Variants in MTDH observed in about 807,000 individuals in gnomAD.
MTDH encodes metadherin.
A neutral mutation model predicts 72.7 loss-of-function variants in MTDH; 34 were observed. That is an observed-to-expected ratio of 0.47 (90% CI 0.36 to 0.62). The LOEUF (loss-of-function observed/expected upper bound fraction) is 0.62. Among genes scored for constraint, MTDH ranks in the 20% least tolerant of loss-of-function variants. The pLI is 0.00. For synonymous variants in MTDH, 266 were observed against 268.9 expected (o/e 0.99, Z 0.10); for missense variants, 677 against 699.4 (o/e 0.97, Z 0.36).
chr8:97,661,205 A>G (rs1331886794), intron 2 of MTDH, 32 bp downstream of exon 2: 17 of 1,448,866 alleles, frequency 1.2e-5, no homozygotes, highest in Non-Finnish European at 1.6e-5. Context: ...ATTGTATGCA[A>G]GACTCTTAAT....
At chr8:97,644,982 A>G in intron 1 of MTDH, 95 bp downstream of exon 1, 5 of 1,388,128 alleles carry the variant, frequency 3.6e-6, no homozygotes, top group East Asian at 2.8e-5. Context: ...GGGAAGGAAA[A>G]GAGTGCTTAG....
intron 1 of MTDH, among the ~76,000 whole-genome samples, chr8:97,655,549 C>T (rs16896060): frequency 0.04 from 6,100 of 152,274 alleles, 465 homozygotes; most frequent in East Asian, 0.24. Flanking sequence ...TGTCCAGGCC[C>T]TTTTGACCAC....
At chr8:97,677,715 GA>G (rs972934213) in intron 2 of MTDH, among the ~76,000 whole-genome samples, 5 of 152,056 alleles carry the variant, frequency 3.3e-5, no homozygotes, top group African/African-American at 4.8e-5. Flanking sequence ...ACTGTGCCTT[GA>G]AATTTTAGCT....
chr8:97,652,863 G>A (rs1811827771), intron 1 of MTDH, among the ~76,000 whole-genome samples: 1 of 152,042 alleles, frequency 6.6e-6, no homozygotes, highest in Non-Finnish European at 1.5e-5. Flanking sequence ...GCCAGGTGCG[G>A]TGGTTCACAC....
chr8:97,713,826 GATT>G (rs1419250638), intron 9 of MTDH, 57 bp downstream of exon 9: 42 of 982,864 alleles, frequency 4.3e-5, no homozygotes, highest in Non-Finnish European at 6.2e-5. Context: ...AATGTGAAAA[GATT>G]ATGTACAGAT....
At chr8:97,714,086 A>G (rs906743420) in intron 9 of MTDH, among the ~76,000 whole-genome samples, 5 of 152,190 alleles carry the variant, frequency 3.3e-5, no homozygotes, top group Non-Finnish European at 5.9e-5. Context: ...CTTTTGAGTA[A>G]CTGGAAGGTA....
intron 2 of MTDH, 23 bp from the exon 3 acceptor site, chr8:97,686,645 G>A: frequency 6.9e-6 from 10 of 1,450,924 alleles, no homozygotes; most frequent in Non-Finnish European, 7.5e-6. Context: ...AAAATATTAA[G>A]TAACATTCTA....
At chr8:97,687,840 T>C (rs531229479) in intron 4 of MTDH, among the ~76,000 whole-genome samples, 2 of 152,320 alleles carry the variant, frequency 1.3e-5, no homozygotes, top group East Asian at 3.9e-4. Flanking sequence ...CCTTTCTGCC[T>C]TGAGTCATAT....
chr8:97,697,672 A>G (rs1465573545), intron 6 of MTDH, among the ~76,000 whole-genome samples: 1 of 151,944 alleles, frequency 6.6e-6, no homozygotes, highest in Non-Finnish European at 1.5e-5. Context: ...GGCATGAGCC[A>G]CCGCACCTGG....
chr8:97,657,154 T>G (rs1812010910), intron 1 of MTDH, among the ~76,000 whole-genome samples: 1 of 152,132 alleles, frequency 6.6e-6, no homozygotes, highest in Admixed American at 6.5e-5. Context: ...GTGCATGCAT[T>G]TTAAAAAAAG....
At chr8:97,718,272 A>AC (rs1407167064) in intron 9 of MTDH, among the ~76,000 whole-genome samples, 1 of 151,520 alleles carries the variant, frequency 6.6e-6, no homozygotes, top group African/African-American at 2.4e-5. Context: ...CGAACTCCTG[A>AC]CCTCAGGTGA....
At chr8:97,647,996 G>A (rs769983488) in intron 1 of MTDH, among the ~76,000 whole-genome samples, 6 of 149,872 alleles carry the variant, frequency 4.0e-5, no homozygotes, top group Admixed American at 1.3e-4. Flanking sequence ...TGATCTTTTC[G>A]TTCCATTATT....
chr8:97,704,232 T>G (rs1235789823), intron 7 of MTDH, among the ~76,000 whole-genome samples: 1 of 152,238 alleles, frequency 6.6e-6, no homozygotes, highest in Non-Finnish European at 1.5e-5. Context: ...TTTAATAGTT[T>G]GTTAAGCTTA....
At chr8:97,648,463 C>T (rs1331674982) in intron 1 of MTDH, among the ~76,000 whole-genome samples, 3 of 151,538 alleles carry the variant, frequency 2.0e-5, no homozygotes. Flanking sequence ...ACTGGAAGCA[C>T]ATAATCAGGA....
intron 1 of MTDH, among the ~76,000 whole-genome samples, chr8:97,652,895 C>T (rs182800201): frequency 1.6e-3 from 236 of 152,014 alleles, no homozygotes; most frequent in Non-Finnish European, 2.7e-3. Context: ...GTACTTCGGG[C>T]GGACCACCAG....
intron 2 of MTDH, among the ~76,000 whole-genome samples, chr8:97,680,131 G>C (rs1020770275): frequency 2.0e-5 from 3 of 152,122 alleles, no homozygotes; most frequent in Admixed American, 2.0e-4. Context: ...GGAGTGCAGT[G>C]GTGCAATCTT....
At chr8:97,660,314 G>T (rs956508763) in intron 1 of MTDH, among the ~76,000 whole-genome samples, 2 of 152,200 alleles carry the variant, frequency 1.3e-5, no homozygotes, top group African/African-American at 2.4e-5. Flanking sequence ...GTGGCAATGG[G>T]TCGGAAAGCT....
At position 97,686,732 on chromosome 8, in the gene MTDH, A is replaced by ATTC; in HGVS notation, c.549_550insTCT (p.Asp183_Gly184insSer). The ATTC allele has an allele frequency of 6.3e-7, 1 of 1,595,440 alleles. No individual in the cohort carries two copies. Among genetic ancestry groups the ATTC allele is most frequent in the Non-Finnish European group, 8.5e-7 (1 of 1,171,658 alleles). ...GCAGTGCAAAACAGTTCACGCCATG[A>ATTC]TGGAAAGGAAGTTGATGAAGGTACT... On this transcript the variant is annotated inframe_insertion, in exon 3 of 12. Transcript: ENST00000336273.
chr8:97,644,646 A>G lies in MTDH; in HGVS notation c.140A>G (p.Tyr47Cys), dbSNP rs1811487397. The G allele has an allele frequency of 6.2e-7, 1 of 1,609,638 alleles. No homozygotes were observed. The highest frequency in any genetic ancestry group is 8.5e-7 in the Non-Finnish European group (1 of 1,178,992). ...GLDLGLEPKR[Y>C]PGWVILVGTG... ...GACCTGGGGCTGGAGCCGAAACGGT[A>G]CCCCGGCTGGGTGATCCTGGTGGGC... The change falls in exon 1 of 12, where the codon TAC becomes TGC. Residue 47 changes from tyrosine (Y) to cysteine (C), a missense_variant. Tyr to Cys is a radical substitution (Grantham distance 194, BLOSUM62 -2). Transcript: ENST00000336273.
Sources: gnomAD v4.1 joint callset for allele counts (sites outside exome capture counted in the v4.1 genomes callset) on GRCh38, gnomAD v4.1.1 for gene constraint, MANE v1.5 for transcripts, NCBI Gene and HGNC (gene_info 2026-07-23, HGNC 2026-07-21) for gene names.